The following SLC6A15 variants were observed in gnomAD, a reference collection of about 807,000 sequenced individuals.
SLC6A15 encodes the protein sodium-dependent neutral amino acid transporter B(0)AT2.
Under a neutral mutation model 68.5 loss-of-function variants are expected in SLC6A15, and 33 were observed. The observed-to-expected ratio is 0.48, with a 90% confidence interval of 0.37 to 0.64. The LOEUF is 0.64. Among genes scored for constraint, SLC6A15 ranks in the 30% least tolerant of loss-of-function variants. SLC6A15 has a pLI of 0.00. For missense variants in SLC6A15, 747 were observed against 874.3 expected (o/e 0.85, Z 1.84); for synonymous variants, 347 against 301.0 (o/e 1.15, Z -1.58).
chr12:84,879,842 T>A (rs902191375), intron 5 of SLC6A15, among the ~76,000 whole-genome samples: 2 of 147,322 alleles, frequency 1.4e-5, no homozygotes, highest in African/African-American at 4.9e-5. Context: ...TCTTTGCATA[T>A]CCATCAGTGC....
In SLC6A15 at chr12:84,860,818, C is replaced by T. The variant is rs1425480136; in HGVS notation, c.*814G>A. On this transcript the variant is annotated 3_prime_UTR_variant, in exon 12 of 12. Coordinates refer to ENST00000266682, the MANE Select transcript of SLC6A15 (RefSeq NM_182767.6). ...AATTAGTACTTTAAGTACTTAAATG[C>T]ATTGCAAGTATATTGTATAAATATA... 6.6e-6 allele frequency: 1 copy of T among 152,114 alleles called. No homozygotes were observed. The highest frequency in any genetic ancestry group is 2.4e-5 in the African/African-American group (1 of 41,424). The allele number at this position is 152,114 out of a possible 1,614,324, so 9.4% of individuals were successfully genotyped here.
At chr12:84,884,221 T>C (rs927176329) in intron 4 of SLC6A15, among the ~76,000 whole-genome samples, 181 bp from the exon 5 acceptor site, 2 of 152,216 alleles carry the variant, frequency 1.3e-5, no homozygotes, top group Non-Finnish European at 2.9e-5. Flanking sequence ...CAGAAATGTA[T>C]CCTGTTAAAT....
rs566047658 is a variant in SLC6A15, at chr12:84,886,984, C to T, written c.290-916G>A. Among the ~76,000 whole-genome samples, 8 of 152,128 alleles carry T rather than the reference C, an allele frequency of 5.3e-5. No homozygotes were observed. The Middle Eastern group carries it at 0.014, about 259-fold the overall frequency. On this transcript the variant is annotated intron_variant, in intron 2 of 11. Coordinates refer to ENST00000266682, the MANE Select transcript of SLC6A15 (RefSeq NM_182767.6). Reference sequence around the variant, plus strand: ...TGGAGACAGGCTCTCACTCTGTCACCCAGGCTGAAGTACAGTGGTGTGATC... The same window carrying T: ...TGGAGACAGGCTCTCACTCTGTCACTCAGGCTGAAGTACAGTGGTGTGATC...
chr12:84,889,999 T>C (rs559563168), intron 2 of SLC6A15, among the ~76,000 whole-genome samples: 15 of 152,298 alleles, frequency 9.8e-5, no homozygotes, highest in African/African-American at 3.6e-4. Flanking sequence ...ATGAATAAGA[T>C]TTTGATAGCC....
At chr12:84,874,231 A>G (rs944289350) in intron 6 of SLC6A15, among the ~76,000 whole-genome samples, 1 of 152,100 alleles carries the variant, frequency 6.6e-6, no homozygotes, top group African/African-American at 2.4e-5. Context: ...TAATTTTAAA[A>G]TAGTGCAAAC....
chr12:84,879,857 C>G (rs2120613823), intron 5 of SLC6A15, among the ~76,000 whole-genome samples: 1 of 152,238 alleles, frequency 6.6e-6, no homozygotes, highest in South Asian at 2.1e-4. Context: ...CAGTGCCTGA[C>G]AAATAGCAGA....
chr12:84,886,160 T>A, intron 2 of SLC6A15, 92 bp from the exon 3 acceptor site: 1 of 851,440 alleles, frequency 1.2e-6, no homozygotes, highest in African/African-American at 1.7e-5. Context: ...ATATTTGAAT[T>A]ACTATATAGT....
At position 84,870,613 on chromosome 12, in the gene SLC6A15, G is replaced by A. The variant is rs777151945; in HGVS notation, c.1360C>T (p.Pro454Ser). 10 of 1,612,312 alleles carry A rather than the reference G, an allele frequency of 6.2e-6. No homozygotes were observed. The Admixed American group carries it at 1.7e-4, about 27-fold the overall frequency. ...IAFTEAMTHF[P>S]ASPFWSVMFF... ...ATCACTGACCAGAAGGGAGATGCAG[G>A]AAAATGTGTCATCGCTTCTGTAAAG... is the stretch of plus-strand genomic sequence containing the variant. Residue 454 changes from proline (P) to serine (S), a missense_variant, in exon 9 of 12, where the codon CCT becomes TCT. Coordinates refer to ENST00000266682, the MANE Select transcript of SLC6A15 (RefSeq NM_182767.6).
At chr12:84,910,920 C>CTCTCTCTCTCTCTCTCTCTCTCTCTCTCT (rs1873405799) in intron 1 of SLC6A15, among the ~76,000 whole-genome samples, 1 of 132,026 alleles carries the variant, frequency 7.6e-6, no homozygotes, top group Non-Finnish European at 1.5e-5. Context: ...GTTGAGCCGC[C>CTCTCTCTCTCTCTCTCTCTCTCTCTCTCT]CTCTTTCCGT....
In SLC6A15 at chr12:84,861,685, T is replaced by C; in HGVS notation, c.2140A>G (p.Ile714Val). 6.2e-7 allele frequency: 1 copy of C among 1,613,808 alleles called. No homozygotes were observed. Among genetic ancestry groups the C allele is most frequent in the Non-Finnish European group, 8.5e-7 (1 of 1,179,808 alleles). The change falls in exon 12 of 12, where the codon ATA (isoleucine) becomes GTA (valine). Residue 714 changes from isoleucine to valine, a missense_variant. Coordinates refer to ENST00000266682, the MANE Select transcript of SLC6A15 (RefSeq NM_182767.6). ...LDTAPNGRYG[I>V]GYLMADIMPD... ...ATAATATCTGCCATCAAGTACCCTATTCCATACCGTCCATTGGGAGCAGTA... is the reference window on the plus strand; with the variant it reads ...ATAATATCTGCCATCAAGTACCCTACTCCATACCGTCCATTGGGAGCAGTA...
At chr12:84,899,896 C>T (rs949608698) in intron 1 of SLC6A15, among the ~76,000 whole-genome samples, 2 of 152,010 alleles carry the variant, frequency 1.3e-5, no homozygotes, top group African/African-American at 4.8e-5. Context: ...ATTTCCAACT[C>T]AGTGGTTCTT....
intron 1 of SLC6A15, among the ~76,000 whole-genome samples, chr12:84,906,866 C>G (rs552565618): frequency 6.6e-6 from 1 of 151,924 alleles, no homozygotes; most frequent in African/African-American, 2.4e-5. Context: ...CTAGGGTTAA[C>G]CAAAGAGCTC....
chr12:84,897,284 T>C (rs924310909), intron 1 of SLC6A15, among the ~76,000 whole-genome samples: 3 of 151,910 alleles, frequency 2.0e-5, no homozygotes, highest in Non-Finnish European at 4.4e-5. Flanking sequence ...ATCTGAGGCA[T>C]GGAGGACAGA....
chr12:84,871,365 A>G (rs1020270997), intron 8 of SLC6A15, among the ~76,000 whole-genome samples: 3 of 151,880 alleles, frequency 2.0e-5, no homozygotes, highest in Non-Finnish European at 4.4e-5. Context: ...CAGAAGACAC[A>G]ATGAATTTCC....
Position 84,867,227 on chromosome 12 carries a change from C to G in SLC6A15, c.1496-34G>C, listed in dbSNP as rs1334431167. Reference sequence around the variant, plus strand: ...AAGAAATAAATGAAAAAATGAGACTCTATTCAGAGACAAGGCCTTTAAACT... The same window carrying G: ...AAGAAATAAATGAAAAAATGAGACTGTATTCAGAGACAAGGCCTTTAAACT... On this transcript the variant is annotated intron_variant, in intron 9 of 11. Coordinates refer to ENST00000266682, the MANE Select transcript of SLC6A15 (RefSeq NM_182767.6). The G allele has an allele frequency of 2.6e-6, 4 of 1,537,352 alleles. No homozygotes were observed. In the East Asian group the frequency reaches 7.0e-5, roughly 27 times the overall value.
Position 84,903,195 on chromosome 12 carries a change from G to C in SLC6A15, c.-189+9328C>G, listed in dbSNP as rs1592615320. On this transcript the variant is annotated intron_variant, in intron 1 of 11. Transcript: ENST00000266682. ...TTTTTGTTGACTTCTGTGAATCAAAGATAGACAATCTTTCAAAATTCTTTT... is the reference window on the plus strand; with the variant it reads ...TTTTTGTTGACTTCTGTGAATCAAACATAGACAATCTTTCAAAATTCTTTT... 2.0e-5 allele frequency among the ~76,000 whole-genome samples: 3 copies of C among 152,182 alleles called. No homozygotes were observed. The East Asian group carries it at 5.8e-4, about 29-fold the overall frequency.
chr12:84,902,993 T>C (rs1236942272), intron 1 of SLC6A15, among the ~76,000 whole-genome samples: 1 of 152,090 alleles, frequency 6.6e-6, no homozygotes, highest in Non-Finnish European at 1.5e-5. Context: ...GGACATACTA[T>C]GGATTATACC....
chr12:84,876,531 G>A lies in SLC6A15; in HGVS notation c.833C>T (p.Ser278Leu). Residue 278 changes from serine (S) to leucine (L), a missense_variant, in exon 6 of 12, where the codon TCA (serine) becomes TTA (leucine). Physicochemically the swap from Ser to Leu is moderately radical, Grantham distance 145. Transcript: ENST00000266682. The stretch of plus-strand genomic sequence containing the variant: ...AAACATGTGGCGAATGCCATCAATT[G>A]AACCATTTAAAAGGAATGCTCTGAT... Reference protein sequence around the residue: ...FLIRAFLLNGSIDGIRHMFTP... With the variant: ...FLIRAFLLNGLIDGIRHMFTP... The A allele has an allele frequency of 6.3e-7, 1 of 1,599,376 alleles. No individual in the cohort carries two copies. The highest frequency in any genetic ancestry group is 8.5e-7 in the Non-Finnish European group (1 of 1,173,278).
At chr12:84,867,846 A>G (rs1250380433) in intron 9 of SLC6A15, 1 of 152,198 alleles carries the variant, frequency 6.6e-6, no homozygotes, top group Non-Finnish European at 1.5e-5. Context: ...TCATCTAAAA[A>G]GAGTTTCCCC....
Sources: allele counts gnomAD v4.1 joint callset (sites outside exome capture counted in the v4.1 genomes callset), GRCh38; gene constraint gnomAD v4.1.1; transcripts MANE v1.5; gene names NCBI Gene and HGNC (gene_info 2026-07-23, HGNC 2026-07-21).